The following CSMD1 variants were observed in gnomAD, a reference collection of about 807,000 sequenced individuals.
The protein encoded by CSMD1 is CUB and Sushi multiple domains 1, also known as CUB and sushi domain-containing protein 1.
CSMD1 carries 213 observed loss-of-function variants against 417.5 expected under a neutral mutation model. That is an observed-to-expected ratio of 0.51 (90% CI 0.46 to 0.57). The LOEUF is 0.57. CSMD1 is among the 20% of genes least tolerant of loss of function. The pLI is 0.00. For synonymous variants in CSMD1, 2,862 were observed against 1,736.8 expected, an observed-to-expected ratio of 1.65 and a Z score of -16.11; for missense variants, 6,923 against 4,529.7, an observed-to-expected ratio of 1.53 and a Z score of -15.17.
intron 26 of CSMD1, among the ~76,000 whole-genome samples, chr8:3,236,450 G>T (rs896061990): frequency 6.6e-6 from 1 of 152,168 alleles, no homozygotes; most frequent in Non-Finnish European, 1.5e-5. Flanking sequence ...AGGAGAAAGA[G>T]AACAATTTTA....
chr8:4,742,186 A>G (rs938837310), intron 1 of CSMD1, among the ~76,000 whole-genome samples: 20 of 149,892 alleles, frequency 1.3e-4, no homozygotes, highest in East Asian at 3.9e-4. Context: ...GCCCGCCACC[A>G]CGCCCGGCTA....
At chr8:3,796,496 G>C (rs1231619895) in intron 5 of CSMD1, among the ~76,000 whole-genome samples, 2 of 139,998 alleles carry the variant, frequency 1.4e-5, no homozygotes, top group African/African-American at 5.2e-5. Flanking sequence ...ATCATGTATA[G>C]ATATAGATAT....
At position 2,955,671 on chromosome 8, in the gene CSMD1, T is replaced by G. The variant is rs1445062850; in HGVS notation, c.9912A>C (p.Pro3304=). Residue 3304 remains proline, a synonymous_variant, in exon 64 of 70, where the codon CCA becomes CCC. Transcript: ENST00000635120. Reference sequence around the variant, plus strand: ...CAGATCCCCCTGCGAGGAAAAAGCCTGGATGGCAGGTGTACACTAAGGTGT... The same window carrying G: ...CAGATCCCCCTGCGAGGAAAAAGCCGGGATGGCAGGTGTACACTAAGGTGT... The part of the protein sequence containing the change: ...FGYTLVYTCH[P]GFFLAGGSEH... 6.2e-7 allele frequency: 1 copy of G among 1,613,834 alleles called. No individual in the cohort carries two copies. The highest frequency in any genetic ancestry group is 1.3e-5 in the African/African-American group (1 of 74,920).
chr8:3,842,173 G>C (rs1430347913), intron 5 of CSMD1, among the ~76,000 whole-genome samples: 1 of 152,070 alleles, frequency 6.6e-6, no homozygotes, highest in African/African-American at 2.4e-5. Flanking sequence ...TTAAAAACTC[G>C]TTTTCCTAGC....
chr8:4,417,573 T>G lies in CSMD1; in HGVS notation c.415+2380A>C, dbSNP rs191079503. The stretch of plus-strand genomic sequence containing the variant: ...AAGTTCATTTTATATCTAAATCCAG[T>G]TGCCTTTATACGTCTTGGATTATAC... On this transcript the variant is annotated intron_variant, in intron 3 of 69. Coordinates refer to ENST00000635120, the MANE Select transcript of CSMD1 (RefSeq NM_033225.6). 6.5e-3 allele frequency among the ~76,000 whole-genome samples: 988 copies of G among 152,138 alleles called. 13 individuals carry two copies. Among genetic ancestry groups the G allele is most frequent in the African/African-American group, 0.023 (939 of 41,554 alleles).
chr8:3,811,124 T>C (rs1801049908), intron 5 of CSMD1, among the ~76,000 whole-genome samples: 1 of 152,176 alleles, frequency 6.6e-6, no homozygotes, highest in Non-Finnish European at 1.5e-5. Context: ...TGTGTACCTA[T>C]GTCCATAACT....
chr8:4,134,549 T>G (rs2130992092), intron 3 of CSMD1, among the ~76,000 whole-genome samples: 1 of 152,344 alleles, frequency 6.6e-6, no homozygotes, highest in South Asian at 2.1e-4. Flanking sequence ...AGCCACCTAG[T>G]CTGTGGCACA....
At chr8:3,569,386 A>T (rs1799851296) in intron 10 of CSMD1, among the ~76,000 whole-genome samples, 1 of 152,220 alleles carries the variant, frequency 6.6e-6, no homozygotes, top group African/African-American at 2.4e-5. Context: ...GCACTTGGTT[A>T]TACAACAGTC....
intron 5 of CSMD1, among the ~76,000 whole-genome samples, chr8:3,934,026 G>C (rs1166112351): frequency 1.3e-5 from 2 of 152,134 alleles, no homozygotes; most frequent in South Asian, 2.1e-4. Context: ...AATCCACAAT[G>C]AGTAGGAAGC....
At chr8:4,838,898 A>C (rs557750863) in intron 1 of CSMD1, among the ~76,000 whole-genome samples, 2 of 152,216 alleles carry the variant, frequency 1.3e-5, no homozygotes, top group Non-Finnish European at 2.9e-5. Context: ...CCCAGAACTT[A>C]AGCTCTAAAG....
rs141570283 is a variant in CSMD1, at chr8:4,242,415, G to A, written c.415+177538C>T. On this transcript the variant is annotated intron_variant, in intron 3 of 69. Coordinates refer to ENST00000635120, the MANE Select transcript of CSMD1 (RefSeq NM_033225.6). The stretch of plus-strand genomic sequence containing the variant: ...TTCCCCCACCCAGCAAATGAGAAAA[G>A]GATAAAATGTATCATAATACTTCAA... Among the ~76,000 whole-genome samples, 336 of 152,148 alleles carry A rather than the reference G, an allele frequency of 2.2e-3. 1 individual carries two copies. Among genetic ancestry groups the A allele is most frequent in the African/African-American group, 7.3e-3 (303 of 41,520 alleles).
intron 3 of CSMD1, among the ~76,000 whole-genome samples, chr8:4,164,606 G>T (rs1156933134): frequency 6.6e-6 from 1 of 152,190 alleles, no homozygotes; most frequent in Admixed American, 6.5e-5. Flanking sequence ...AATTTATTTA[G>T]GTACCTTATT....
At chr8:4,487,500 A>G (rs959922344) in intron 2 of CSMD1, among the ~76,000 whole-genome samples, 5 of 152,176 alleles carry the variant, frequency 3.3e-5, no homozygotes, top group African/African-American at 1.2e-4. Context: ...TGAAGTCATC[A>G]TATTTTATGG....
At chr8:4,017,432 G>C (rs932190522) in intron 4 of CSMD1, among the ~76,000 whole-genome samples, 2 of 152,086 alleles carry the variant, frequency 1.3e-5, no homozygotes, top group Admixed American at 1.3e-4. Context: ...CACTCTTCCT[G>C]AGTAGCTAGG....
At chr8:4,177,747 T>A (rs1157892430) in intron 3 of CSMD1, among the ~76,000 whole-genome samples, 1 of 150,812 alleles carries the variant, frequency 6.6e-6, no homozygotes, top group African/African-American at 2.4e-5. Flanking sequence ...ATAAAGGGGA[T>A]ATCACCACCG....
At chr8:3,608,372 G>C (rs74398069) in intron 8 of CSMD1, among the ~76,000 whole-genome samples, 2,324 of 152,190 alleles carry the variant, frequency 0.015, 57 homozygotes, top group African/African-American at 0.051. Context: ...GGAAGCAGTT[G>C]AGAAGCTCAA....
At chr8:3,707,048 T>C (rs1801207410) in intron 7 of CSMD1, among the ~76,000 whole-genome samples, 1 of 151,846 alleles carries the variant, frequency 6.6e-6, no homozygotes. Context: ...GTAGTCAGAG[T>C]ATGGTAGCTC....
intron 3 of CSMD1, among the ~76,000 whole-genome samples, chr8:4,175,477 G>A (rs1270299839): frequency 2.0e-5 from 3 of 152,066 alleles, no homozygotes; most frequent in Non-Finnish European, 2.9e-5. Context: ...ATCCAAAATT[G>A]TAAATATATT....
chr8:4,247,483 G>A lies in CSMD1; in HGVS notation c.415+172470C>T, dbSNP rs190120649. Among the ~76,000 whole-genome samples the A allele has an allele frequency of 9.9e-5, 15 of 152,228 alleles. No individual in the cohort carries two copies. In the East Asian group the frequency reaches 2.9e-3, roughly 29 times the overall value. ...AAATGCTTTCTATCTCAATATTTAT[G>A]CAGGCTCATGTTTTCTTTCGGTGTA... On this transcript the variant is annotated intron_variant, in intron 3 of 69. Transcript: ENST00000635120.
Sources: gnomAD v4.1 joint callset for allele counts (sites outside exome capture counted in the v4.1 genomes callset) on GRCh38, gnomAD v4.1.1 for gene constraint, MANE v1.5 for transcripts, NCBI Gene and HGNC (gene_info 2026-07-23, HGNC 2026-07-21) for gene names.